The following ZNF804A variants were observed in gnomAD, a reference collection of about 807,000 sequenced individuals.
The protein encoded by ZNF804A is zinc finger protein 804A.
A neutral mutation model predicts 16.5 loss-of-function variants in ZNF804A; 2 were observed. That is an observed-to-expected ratio of 0.12 (90% CI 0.05 to 0.38). The LOEUF (loss-of-function observed/expected upper bound fraction) is 0.38, where lower values mean the gene tolerates loss of function less well. Ranked by LOEUF, ZNF804A falls within the 10% of genes least tolerant of loss-of-function variation. The probability of loss-of-function intolerance (pLI) is 0.99; values close to 1 mark genes in which losing one functional copy is unlikely to be tolerated. For missense variants in ZNF804A, 1,473 were observed against 1,390.7 expected, an observed-to-expected ratio of 1.06 and a Z score of -0.94; for synonymous variants, 534 against 489.6, an observed-to-expected ratio of 1.09 and a Z score of -1.20.
intron 2 of ZNF804A, among the ~76,000 whole-genome samples, chr2:184,929,868 A>G (rs888961526): frequency 2.6e-5 from 4 of 152,164 alleles, no homozygotes; most frequent in African/African-American, 7.2e-5. Context: ...CCCAGCACAG[A>G]TATCACTTTT....
At chr2:184,874,800 T>C (rs1211138611) in intron 2 of ZNF804A, among the ~76,000 whole-genome samples, 1 of 152,158 alleles carries the variant, frequency 6.6e-6, no homozygotes, top group African/African-American at 2.4e-5. Flanking sequence ...TATGTTCTTA[T>C]AGCATGTTTT....
rs143032044 is a variant in ZNF804A, at chr2:184,839,803, A to G, written c.112-26566A>G. On this transcript the variant is annotated intron_variant, in intron 1 of 3. Coordinates refer to ENST00000302277, the MANE Select transcript of ZNF804A (RefSeq NM_194250.2). ...TGAAAACTTTGTTCTGTAAAAGTTA[A>G]AGAATTTTGAGGTTATTTTTTCATT... Among the ~76,000 whole-genome samples, 328 of 152,274 alleles carry G rather than the reference A, an allele frequency of 2.2e-3. 1 individual carries two copies. Among genetic ancestry groups the G allele is most frequent in the Middle Eastern group, 6.8e-3 (2 of 294 alleles).
rs143840156 is a variant in ZNF804A, at chr2:184,867,805, G to C, written c.255+1293G>C. Among the ~76,000 whole-genome samples the C allele has an allele frequency of 6.0e-3, 915 of 152,160 alleles. 9 individuals are homozygous for C. In the Middle Eastern group the frequency reaches 0.061, roughly 10 times the overall value. On this transcript the variant is annotated intron_variant, in intron 2 of 3. Transcript: ENST00000302277. Reference sequence around the variant, plus strand: ...TTTTATCAAATAATTCTGGAATGCTGTTTTGAAAGAGTTGAAGTCTGAGAA... The same window carrying C: ...TTTTATCAAATAATTCTGGAATGCTCTTTTGAAAGAGTTGAAGTCTGAGAA...
chr2:184,837,833 G>T (rs565618580), intron 1 of ZNF804A, among the ~76,000 whole-genome samples: 3 of 152,236 alleles, frequency 2.0e-5, no homozygotes, highest in Admixed American at 2.0e-4. Flanking sequence ...TGCCTGGCAT[G>T]AACAGCTCTG....
At chr2:184,671,844 T>C (rs1231490858) in intron 1 of ZNF804A, among the ~76,000 whole-genome samples, 1 of 152,194 alleles carries the variant, frequency 6.6e-6, no homozygotes, top group East Asian at 1.9e-4. Context: ...CAATGAAATG[T>C]TTAATTCAGA....
intron 1 of ZNF804A, among the ~76,000 whole-genome samples, chr2:184,655,835 C>T (rs1692066994): frequency 6.6e-6 from 1 of 151,920 alleles, no homozygotes; most frequent in Non-Finnish European, 1.5e-5. Context: ...AAATAGAAAA[C>T]AGGCCATTAG....
Position 184,939,144 on chromosome 2 carries a change from C to A in ZNF804A, c.*118C>A, listed in dbSNP as rs1314011866. On this transcript the variant is annotated 3_prime_UTR_variant, in exon 4 of 4. Coordinates refer to ENST00000302277, the MANE Select transcript of ZNF804A (RefSeq NM_194250.2). ...TGGAAATAAACTGGCCGATACATGG[C>A]GTCATTGGTTTGAAATCATTTACTG... is the stretch of plus-strand genomic sequence containing the variant. 9 of 1,298,582 alleles carry A rather than the reference C, an allele frequency of 6.9e-6. No individual in the cohort carries two copies. The highest frequency in any genetic ancestry group is 1.5e-5 in the African/African-American group (1 of 67,524). 80.4% of individuals were successfully genotyped at this position (1,298,582 alleles called of 1,614,324 possible). A position where few individuals can be genotyped will look rare whatever the true frequency, so the allele number is the denominator to read the frequency against.
chr2:184,932,878 C>A (rs1408088227), intron 2 of ZNF804A, among the ~76,000 whole-genome samples: 1 of 151,986 alleles, frequency 6.6e-6, no homozygotes, highest in Non-Finnish European at 1.5e-5. Context: ...ACTTCTTTAA[C>A]ACAGATGAAA....
intron 2 of ZNF804A, among the ~76,000 whole-genome samples, chr2:184,874,586 A>C (rs1387436053): frequency 6.6e-6 from 1 of 152,162 alleles, no homozygotes; most frequent in Non-Finnish European, 1.5e-5. Context: ...CCTAAAAAAA[A>C]TTAAAATATC....
Position 184,885,043 on chromosome 2 carries a change from C to T in ZNF804A, c.255+18531C>T, listed in dbSNP as rs188399528. Among the ~76,000 whole-genome samples, 970 of 152,052 alleles carry T rather than the reference C, an allele frequency of 6.4e-3. 9 individuals carry two copies. The highest frequency in any genetic ancestry group is 0.061 in the Middle Eastern group (18 of 294). ...CCCATTAAAAAGTAGGCAAAAGACA[C>T]GAACAGACACTTTGCAAAAGAAGAT... On this transcript the variant is annotated intron_variant, in intron 2 of 3. Coordinates refer to ENST00000302277, the MANE Select transcript of ZNF804A (RefSeq NM_194250.2).
chr2:184,613,070 T>C (rs1298928482), intron 1 of ZNF804A, among the ~76,000 whole-genome samples: 1 of 152,246 alleles, frequency 6.6e-6, no homozygotes, highest in African/African-American at 2.4e-5. Context: ...CTTTCAGGCA[T>C]CCAACATGCC....
chr2:184,861,377 G>T (rs545541623), intron 1 of ZNF804A, among the ~76,000 whole-genome samples: 10 of 152,262 alleles, frequency 6.6e-5, no homozygotes, highest in African/African-American at 2.2e-4. Flanking sequence ...TCTTATGAAG[G>T]TATTTTTGTG....
intron 1 of ZNF804A, among the ~76,000 whole-genome samples, chr2:184,730,682 C>T (rs552943209): frequency 9.9e-5 from 15 of 152,188 alleles, no homozygotes; most frequent in African/African-American, 3.6e-4. Flanking sequence ...ATGTTTCCTC[C>T]ATATCTTCTT....
At chr2:184,816,186 C>A (rs1694979997) in intron 1 of ZNF804A, among the ~76,000 whole-genome samples, 1 of 151,974 alleles carries the variant, frequency 6.6e-6, no homozygotes, top group Non-Finnish European at 1.5e-5. Context: ...AAGAATATGG[C>A]AATTGTTCCC....
intron 1 of ZNF804A, among the ~76,000 whole-genome samples, chr2:184,792,556 T>C (rs1352766865): frequency 1.3e-5 from 2 of 152,180 alleles, no homozygotes; most frequent in Middle Eastern, 3.2e-3. Context: ...ATCTTGAATA[T>C]ATTCTCTTGA....
intron 1 of ZNF804A, among the ~76,000 whole-genome samples, chr2:184,725,040 G>T (rs1693384643): frequency 6.6e-6 from 1 of 151,638 alleles, no homozygotes; most frequent in South Asian, 2.1e-4. Context: ...ATTATTTTTT[G>T]AGAATTAAGG....
intron 1 of ZNF804A, among the ~76,000 whole-genome samples, chr2:184,653,960 A>G (rs1692033630): frequency 6.6e-6 from 1 of 152,160 alleles, no homozygotes. Context: ...TAACTGCCAG[A>G]CCATCAGGAA....
chr2:184,731,195 G>A (rs775514191), intron 1 of ZNF804A, among the ~76,000 whole-genome samples: 12 of 128,656 alleles, frequency 9.3e-5, no homozygotes, highest in Admixed American at 8.5e-4. Context: ...AGGTTGCAGT[G>A]AGCTGAGATC....
intron 2 of ZNF804A, among the ~76,000 whole-genome samples, chr2:184,916,401 C>T (rs535152172): frequency 6.6e-6 from 1 of 152,026 alleles, no homozygotes; most frequent in East Asian, 1.9e-4. Context: ...GAAACATAGA[C>T]CTTAGAATAT....
Sources: allele counts gnomAD v4.1 joint callset (sites outside exome capture counted in the v4.1 genomes callset), GRCh38; gene constraint gnomAD v4.1.1; transcripts MANE v1.5; gene names NCBI Gene and HGNC (gene_info 2026-07-23, HGNC 2026-07-21).